The following KCNH7 variants were observed in gnomAD, a reference collection of about 807,000 sequenced individuals.
KCNH7 encodes the protein voltage-gated inwardly rectifying potassium channel KCNH7.
In KCNH7, 49 loss-of-function variants were observed where a neutral mutation model predicts 120.8. That is an observed-to-expected ratio of 0.41 (90% CI 0.32 to 0.51). The LOEUF is 0.51. KCNH7 is among the 20% of genes least tolerant of loss of function. The pLI, the probability that KCNH7 is intolerant of heterozygous loss-of-function variation, is 0.38. For missense variants in KCNH7, 1,097 were observed against 1,446.6 expected, an observed-to-expected ratio of 0.76 and a Z score of 3.92; for synonymous variants, 547 against 516.1, an observed-to-expected ratio of 1.06 and a Z score of -0.81.
In KCNH7 at chr2:162,639,209, T is replaced by C. The variant is rs150286323; in HGVS notation, c.308-102129A>G. The stretch of plus-strand genomic sequence containing the variant: ...ATCTTTCATTCGACACTATTTTATC[T>C]AACACTAACAGTGATGATAGCTAAA... On this transcript the variant is annotated intron_variant, in intron 2 of 15. Coordinates refer to ENST00000332142, the MANE Select transcript of KCNH7 (RefSeq NM_033272.4). Among the ~76,000 whole-genome samples the C allele has an allele frequency of 1.4e-4, 21 of 152,298 alleles. No homozygotes were observed. The East Asian group carries it at 4.1e-3, about 29-fold the overall frequency.
chr2:162,657,254 TATAGTTTC>T (rs746745270), intron 2 of KCNH7, among the ~76,000 whole-genome samples: 29 of 152,196 alleles, frequency 1.9e-4, no homozygotes, highest in Non-Finnish European at 4.0e-4. Context: ...TATCCAGCGC[TATAGTTTC>T]ATAGAGAATA....
intron 2 of KCNH7, among the ~76,000 whole-genome samples, chr2:162,715,946 T>TTGTGTGTGTG (rs55649777): frequency 3.8e-4 from 55 of 146,492 alleles, no homozygotes; most frequent in African/African-American, 9.6e-4. Context: ...GAGCATGTCT[T>TTGTGTGTGTG]TGTGTGTGTG....
intron 2 of KCNH7, among the ~76,000 whole-genome samples, chr2:162,665,814 C>T (rs2105286506): frequency 6.6e-6 from 1 of 152,194 alleles, no homozygotes; most frequent in East Asian, 1.9e-4. Flanking sequence ...TGCAGGGAGT[C>T]ATCTTCGCTT....
At chr2:162,535,509 G>A (rs1469532812) in intron 3 of KCNH7, among the ~76,000 whole-genome samples, 3 of 151,492 alleles carry the variant, frequency 2.0e-5, no homozygotes, top group African/African-American at 7.3e-5. Flanking sequence ...AACAAGTGAG[G>A]AAAATTTTAA....
At chr2:162,551,408 A>T (rs896490159) in intron 2 of KCNH7, among the ~76,000 whole-genome samples, 1 of 152,188 alleles carries the variant, frequency 6.6e-6, no homozygotes, top group Admixed American at 6.5e-5. Context: ...AAAATGAATA[A>T]ATTGTGAAAG....
intron 6 of KCNH7, among the ~76,000 whole-genome samples, chr2:162,451,957 A>T (rs148737264): frequency 6.6e-6 from 1 of 152,210 alleles, no homozygotes; most frequent in East Asian, 1.9e-4. Context: ...GCATGTGGAA[A>T]GGAAGGATTC....
chr2:162,532,611 G>T (rs1261830330), intron 3 of KCNH7, among the ~76,000 whole-genome samples: 1 of 151,890 alleles, frequency 6.6e-6, no homozygotes, highest in Non-Finnish European at 1.5e-5. Flanking sequence ...TGTTAAACAC[G>T]AGAGAACTCT....
chr2:162,614,282 T>A (rs1683067751), intron 2 of KCNH7, among the ~76,000 whole-genome samples: 1 of 152,092 alleles, frequency 6.6e-6, no homozygotes, highest in East Asian at 1.9e-4. Context: ...TTCACATGCT[T>A]ACTCTTGGTG....
Position 162,838,509 on chromosome 2 carries a change from G to A in KCNH7, c.10C>T (p.Arg4Cys). The A allele has an allele frequency of 6.2e-7, 1 of 1,612,592 alleles. No individual in the cohort carries two copies. The highest frequency in any genetic ancestry group is 8.5e-7 in the Non-Finnish European group (1 of 1,179,600). Residue 4 changes from arginine to cysteine, a missense_variant, in exon 1 of 16, where the codon CGC becomes TGC. Around this residue, in one of 8 missense-constraint regions of KCNH7, gnomAD observed 57 missense variants for 116.2 expected, o/e 0.49. Transcript: ENST00000332142. ...TTTTGTGGTGCCACATGCCCCCTGCGCACAGGCATGTTGGCCCCGGTCTTC... is the reference window on the plus strand; with the variant it reads ...TTTTGTGGTGCCACATGCCCCCTGCACACAGGCATGTTGGCCCCGGTCTTC... MPV[R>C]RGHVAPQNTF... is the part of the protein sequence containing the mutation.
intron 2 of KCNH7, among the ~76,000 whole-genome samples, chr2:162,778,599 C>T (rs1450571325): frequency 6.6e-6 from 1 of 152,052 alleles, no homozygotes; most frequent in East Asian, 1.9e-4. Flanking sequence ...ATTGAATGTT[C>T]TTGAATAAAT....
chr2:162,729,825 G>T (rs751215426), intron 2 of KCNH7, among the ~76,000 whole-genome samples: 12 of 152,014 alleles, frequency 7.9e-5, no homozygotes, highest in Non-Finnish European at 1.6e-4. Context: ...TACAAATATG[G>T]TTACTGTTCT....
At chr2:162,515,074 T>G (rs1324492497) in intron 4 of KCNH7, among the ~76,000 whole-genome samples, 2 of 151,794 alleles carry the variant, frequency 1.3e-5, no homozygotes, top group Non-Finnish European at 2.9e-5. Context: ...TCTTAGGGAA[T>G]GTAGTTTCTT....
intron 2 of KCNH7, among the ~76,000 whole-genome samples, chr2:162,689,650 A>G (rs1013745264): frequency 1.3e-5 from 2 of 152,186 alleles, no homozygotes; most frequent in African/African-American, 4.8e-5. Context: ...CATTTTATTT[A>G]ATTAATGTTT....
intron 6 of KCNH7, among the ~76,000 whole-genome samples, chr2:162,480,689 C>T (rs900469417): frequency 1.3e-5 from 2 of 152,044 alleles, no homozygotes; most frequent in Admixed American, 6.5e-5. Context: ...TTTAAACAAA[C>T]TCTATTTATA....
At chr2:162,655,873 C>T (rs912950156) in intron 2 of KCNH7, among the ~76,000 whole-genome samples, 7 of 152,060 alleles carry the variant, frequency 4.6e-5, no homozygotes, top group Non-Finnish European at 8.8e-5. Flanking sequence ...CCTGATACAT[C>T]GATAGTTCTC....
At chr2:162,538,141 G>A (rs1692174593) in intron 2 of KCNH7, 1 of 152,052 alleles carries the variant, frequency 6.6e-6, no homozygotes. Context: ...CGTGGCCTGT[G>A]GGCTACATGT....
chr2:162,525,829 T>C (rs937269566), intron 3 of KCNH7, among the ~76,000 whole-genome samples: 2 of 152,048 alleles, frequency 1.3e-5, no homozygotes, highest in Admixed American at 1.3e-4. Flanking sequence ...TGTCCCTGAT[T>C]GGGTGTTGCT....
chr2:162,384,954 A>G lies in KCNH7; in HGVS notation c.2711-15T>C. On this transcript the variant is annotated splice_polypyrimidine_tract_variant and intron_variant, in intron 12 of 15. Coordinates refer to ENST00000332142, the MANE Select transcript of KCNH7 (RefSeq NM_033272.4). ...TGTACTGTTTTCTTTGCCAAAATAT[A>G]TCAAAGAAAAGTTATTTTATAGCAG... The G allele has an allele frequency of 1.3e-6, 2 of 1,584,888 alleles. No individual in the cohort carries two copies. The highest frequency in any genetic ancestry group is 8.6e-7 in the Non-Finnish European group (1 of 1,163,934).
At chr2:162,818,104 T>C (rs528548442) in intron 2 of KCNH7, among the ~76,000 whole-genome samples, 66 of 152,106 alleles carry the variant, frequency 4.3e-4, no homozygotes, top group Middle Eastern at 3.4e-3. Flanking sequence ...GTGTATCAGT[T>C]TTTAATTTTG....
Sources: gnomAD v4.1 joint callset for allele counts (sites outside exome capture counted in the v4.1 genomes callset) on GRCh38, gnomAD v4.1.1 for gene constraint, gnomAD v4.1.1 regional missense constraint, MANE v1.5 for transcripts, NCBI Gene and HGNC (gene_info 2026-07-23, HGNC 2026-07-21) for gene names.